ELAVL2: variants seen among roughly 807,000 people sequenced by gnomAD.
ELAVL2 encodes ELAV-like protein 2.
In ELAVL2, 4 loss-of-function variants were observed where a neutral mutation model predicts 34.6. The ratio of observed to expected loss-of-function variants is 0.12; its 90% CI spans 0.06 to 0.26. ELAVL2 has a LOEUF of 0.26. Among genes scored for constraint, ELAVL2 ranks in the 10% least tolerant of loss-of-function variants. ELAVL2 has a pLI of 1.00. For missense variants in ELAVL2, 432 were observed against 442.8 expected, an observed-to-expected ratio of 0.98 and a Z score of 0.22; for synonymous variants, 193 against 154.8, an observed-to-expected ratio of 1.25 and a Z score of -1.83.
chr9:23,846,207 C>T, the ELAVL2 span, among the ~76,000 whole-genome samples: 1 of 151,796 alleles, frequency 6.6e-6, no homozygotes, highest in Admixed American at 6.6e-5. Flanking sequence ...TAGTAGGGCC[C>T]TATTTAAAAC....
Position 23,690,949 on chromosome 9 carries a change from A to C in ELAVL2, c.*1608T>G, listed in dbSNP as rs1471654004. On this transcript the variant is annotated 3_prime_UTR_variant, in exon 7 of 7. Coordinates refer to ENST00000397312, the MANE Select transcript of ELAVL2 (RefSeq NM_004432.5). ...TAAGCATCATACAAAGTTAAATTTC[A>C]ATAGCATACAGATATTTATGATTTT... 6.6e-6 allele frequency: 1 copy of C among 152,610 alleles called. No homozygotes were observed. The highest frequency in any genetic ancestry group is 1.9e-4 in the East Asian group (1 of 5,196). 9.5% of individuals were successfully genotyped at this position (152,610 alleles called of 1,614,324 possible). A position where few individuals can be genotyped will look rare whatever the true frequency, so the allele number is the denominator to read the frequency against.
intron 2 of ELAVL2, among the ~76,000 whole-genome samples, chr9:23,750,771 A>T (rs944352436): frequency 2.0e-5 from 3 of 152,174 alleles, no homozygotes; most frequent in Admixed American, 2.0e-4. Context: ...ATTTAAATGG[A>T]ATGAAAAAAG....
intron 1 of ELAVL2, among the ~76,000 whole-genome samples, chr9:23,795,342 G>A (rs182638403): frequency 4.6e-5 from 7 of 152,184 alleles, no homozygotes; most frequent in East Asian, 3.9e-4. Context: ...TCAGGAGTTC[G>A]AGAACAGCGT....
chr9:23,729,873 G>C (rs1000154776), intron 3 of ELAVL2, among the ~76,000 whole-genome samples: 3 of 151,974 alleles, frequency 2.0e-5, no homozygotes, highest in African/African-American at 7.3e-5. Context: ...TTCATTTCCA[G>C]ATACCTGAAA....
the ELAVL2 span, among the ~76,000 whole-genome samples, chr9:23,847,829 TATTA>T: frequency 7.8e-4 from 119 of 152,234 alleles, no homozygotes; most frequent in African/African-American, 2.5e-3. Flanking sequence ...CTACATGCAC[TATTA>T]ATTATCATTT....
chr9:23,769,587 G>A (rs1350572571), intron 1 of ELAVL2, among the ~76,000 whole-genome samples: 1 of 152,138 alleles, frequency 6.6e-6, no homozygotes, highest in African/African-American at 2.4e-5. Flanking sequence ...AGCTTTAAAT[G>A]TCAAAGGATT....
chr9:23,765,084 A>T (rs1282670868), intron 1 of ELAVL2: 6 of 1,603,626 alleles, frequency 3.7e-6, no homozygotes, highest in Non-Finnish European at 5.1e-6. Flanking sequence ...CTGCCATGTT[A>T]GTTTGGAGTT....
intron 3 of ELAVL2, among the ~76,000 whole-genome samples, chr9:23,708,201 G>A (rs2039930002): frequency 6.6e-6 from 1 of 152,134 alleles, no homozygotes; most frequent in African/African-American, 2.4e-5. Context: ...GGACAGGAGT[G>A]ATTAGATTAT....
At chr9:23,819,224 C>T (rs574180804) in intron 1 of ELAVL2, among the ~76,000 whole-genome samples, 1 of 152,286 alleles carries the variant, frequency 6.6e-6, no homozygotes, top group African/African-American at 2.4e-5. Context: ...ATATGACACT[C>T]ACAGCATCAT....
intron 3 of ELAVL2, among the ~76,000 whole-genome samples, chr9:23,712,797 C>T (rs759914333): frequency 6.6e-6 from 1 of 152,138 alleles, no homozygotes; most frequent in Non-Finnish European, 1.5e-5. Flanking sequence ...TTAGCTTCAA[C>T]TTAAAGGCGA....
chr9:23,772,914 A>G (rs2057555840), intron 1 of ELAVL2, among the ~76,000 whole-genome samples: 1 of 152,196 alleles, frequency 6.6e-6, no homozygotes, highest in South Asian at 2.1e-4. Flanking sequence ...TAAGATAGTA[A>G]CTTTATTTCC....
intron 3 of ELAVL2, among the ~76,000 whole-genome samples, chr9:23,707,906 A>C (rs1239147375): frequency 6.6e-6 from 1 of 152,228 alleles, no homozygotes; most frequent in Admixed American, 6.5e-5. Context: ...TTACTCATGC[A>C]GTGACATTCA....
intron 1 of ELAVL2, among the ~76,000 whole-genome samples, chr9:23,786,791 A>AG (rs2059736953): frequency 6.7e-6 from 1 of 150,276 alleles, no homozygotes; most frequent in South Asian, 2.1e-4. Flanking sequence ...CAAAAAAAAA[A>AG]AAAAAAAAAA....
At chr9:23,711,245 T>C (rs1040489768) in intron 3 of ELAVL2, among the ~76,000 whole-genome samples, 27 of 152,166 alleles carry the variant, frequency 1.8e-4, no homozygotes, top group Admixed American at 1.2e-3. Context: ...TTCCAAAATA[T>C]AGGATTTAGA....
At chr9:23,817,042 G>C (rs923794228) in intron 1 of ELAVL2, among the ~76,000 whole-genome samples, 2 of 150,382 alleles carry the variant, frequency 1.3e-5, no homozygotes, top group African/African-American at 4.9e-5. Flanking sequence ...CCTTCACTGT[G>C]TCTTAAAAAA....
chr9:23,809,644 T>C (rs2062716582), intron 1 of ELAVL2, among the ~76,000 whole-genome samples: 1 of 152,196 alleles, frequency 6.6e-6, no homozygotes, highest in Non-Finnish European at 1.5e-5. Flanking sequence ...TAAATTATTA[T>C]CTCTATTCCA....
chr9:23,786,175 G>A (rs2059654138), intron 1 of ELAVL2, among the ~76,000 whole-genome samples: 2 of 152,152 alleles, frequency 1.3e-5, no homozygotes, highest in Non-Finnish European at 2.9e-5. Flanking sequence ...AGCCCACATC[G>A]TGTGCACTAT....
At chr9:23,828,267 G>T (rs138554548), upstream of ELAVL2, among the ~76,000 whole-genome samples, 8 of 152,244 alleles carry the variant, frequency 5.3e-5, no homozygotes, top group Non-Finnish European at 1.0e-4. Context: ...CCTAGGCAGT[G>T]AATTGTCTTT....
At chr9:23,776,014 T>C (rs1337146428) in intron 1 of ELAVL2, among the ~76,000 whole-genome samples, 3 of 152,156 alleles carry the variant, frequency 2.0e-5, no homozygotes, top group African/African-American at 4.8e-5. Flanking sequence ...ATGCCATGAA[T>C]TGTGATTCAA....
Sources: gnomAD v4.1 joint callset for allele counts (sites outside exome capture counted in the v4.1 genomes callset) on GRCh38, gnomAD v4.1.1 for gene constraint, MANE v1.5 for transcripts, NCBI Gene and HGNC (gene_info 2026-07-23, HGNC 2026-07-21) for gene names.